Variants in SMARCA1 observed in about 807,000 individuals in gnomAD.
SMARCA1 encodes the protein SWI/SNF-related matrix-associated actin-dependent regulator of chromatin subfamily A member 1.
In SMARCA1, 17 loss-of-function variants were observed where a neutral mutation model predicts 93.6. The observed-to-expected ratio is 0.18, with a 90% confidence interval of 0.12 to 0.27. SMARCA1 has a LOEUF of 0.27. Ranked by LOEUF, SMARCA1 falls within the 10% of genes least tolerant of loss-of-function variation. SMARCA1 has a pLI of 1.00. For synonymous variants in SMARCA1, 271 were observed against 271.4 expected (o/e 1.00, Z 0.01); for missense variants, 630 against 819.0 (o/e 0.77, Z 2.82).
chrX:129,506,007 A>G lies in SMARCA1; in HGVS notation c.1098+73T>C, dbSNP rs1006629149. On this transcript the variant is annotated intron_variant, in intron 8 of 24. Coordinates refer to ENST00000371121, the MANE Select transcript of SMARCA1 (RefSeq NM_001282874.2). ...CAAATTAAAAAGTACCATAAATTTC[A>G]ATCTATAATGTTTTAAAACACATGT... 14 of 815,864 alleles carry G rather than the reference A, an allele frequency of 1.7e-5. No homozygotes were observed. The African/African-American group carries it at 2.5e-4, about 14-fold the overall frequency. 67.2% of individuals were successfully genotyped at this position (815,864 alleles called of 1,213,427 possible). A position where few individuals can be genotyped will look rare whatever the true frequency, so the allele number is the denominator to read the frequency against.
chrX:129,509,760 C>T (rs1000456764), intron 6 of SMARCA1, among the ~76,000 whole-genome samples: 1 of 111,653 alleles, frequency 9.0e-6, no homozygotes, highest in South Asian at 3.7e-4. Context: ...AGCAAAGCCA[C>T]AACTGAAATC....
Position 129,497,861 on chromosome X carries a change from G to T in SMARCA1, c.1488C>A (p.Ala496=), listed in dbSNP as rs754056620. The T allele has an allele frequency of 3.4e-6, 4 of 1,191,937 alleles. No individual in the cohort carries two copies. The South Asian group carries it at 7.1e-5, about 21-fold the overall frequency. The change falls in exon 11 of 25, where the codon GCC becomes GCA. Residue 496 remains alanine (A), a synonymous_variant. Transcript: ENST00000371121. ...ATTACTCACCCTGTTCTTTGAGTTT[G>T]GCCAATAGTTTATCCAGAACTACCA... ...GKMVVLDKLL[A]KLKEQGSRVL...
intron 23 of SMARCA1, among the ~76,000 whole-genome samples, chrX:129,450,312 C>G (rs1483427013): frequency 8.9e-6 from 1 of 111,874 alleles, no homozygotes; most frequent in African/African-American, 3.3e-5. Context: ...TGGCCATCTG[C>G]AAGCCAGGAG....
At position 129,523,353 on chromosome X, in the gene SMARCA1, G is replaced by A. The variant is rs752421322; in HGVS notation, c.18C>T (p.Ala6=). 5 of 1,193,044 alleles carry A rather than the reference G, an allele frequency of 4.2e-6. No homozygotes were observed. The highest frequency in any genetic ancestry group is 5.6e-6 in the Non-Finnish European group (5 of 888,963). The change falls in exon 1 of 25, where the codon GCC becomes GCT. Residue 6 remains alanine, a synonymous_variant. Coordinates refer to ENST00000371121, the MANE Select transcript of SMARCA1 (RefSeq NM_001282874.2). ...CGGCTGCCACGGTGGCTGCCACTGCGGCAGTGTCCTGCTCCATGCCGTGGG... is the reference window on the plus strand; with the variant it reads ...CGGCTGCCACGGTGGCTGCCACTGCAGCAGTGTCCTGCTCCATGCCGTGGG... MEQDT[A]AVAATVAAAD...
intron 9 of SMARCA1, among the ~76,000 whole-genome samples, chrX:129,504,202 C>T (rs767438189): frequency 9.8e-5 from 11 of 111,679 alleles, no homozygotes; most frequent in Non-Finnish European, 1.9e-4. Context: ...TGCTTGAGCT[C>T]GGGAGGCGGA....
At chrX:129,453,550 C>T (rs914561355) in intron 23 of SMARCA1, among the ~76,000 whole-genome samples, 2 of 112,076 alleles carry the variant, frequency 1.8e-5, no homozygotes, top group East Asian at 2.8e-4. Context: ...AAAACTCCAT[C>T]GTCTCAGCCC....
At chrX:129,466,100 T>C in intron 21 of SMARCA1, 138 bp from the exon 22 acceptor site, 1 of 282,798 alleles carries the variant, frequency 3.5e-6, no homozygotes, top group Non-Finnish European at 6.3e-6. Context: ...ATCTTATATA[T>C]ATAATATGTT....
chrX:129,521,721 A>G (rs2124360179), intron 1 of SMARCA1, among the ~76,000 whole-genome samples: 1 of 112,490 alleles, frequency 8.9e-6, no homozygotes, highest in South Asian at 3.7e-4. Flanking sequence ...GAATTTCACA[A>G]CATTTGATTT....
intron 1 of SMARCA1, among the ~76,000 whole-genome samples, chrX:129,519,558 A>G (rs907714055): frequency 8.9e-6 from 1 of 111,832 alleles, no homozygotes; most frequent in African/African-American, 3.2e-5. Flanking sequence ...AACTGAGATT[A>G]TGGAATTTGA....
At chrX:129,476,111 T>C (rs1787407305) in intron 19 of SMARCA1, among the ~76,000 whole-genome samples, 3 of 112,283 alleles carry the variant, frequency 2.7e-5, no homozygotes, top group Admixed American at 1.9e-4. Flanking sequence ...GTAATTGAAA[T>C]TTCAATTAAG....
chrX:129,519,980 C>CT lies in SMARCA1; in HGVS notation c.175-1534dup, dbSNP rs201748515. 8.6e-3 allele frequency among the ~76,000 whole-genome samples: 953 copies of CT among 111,084 alleles called. 6 individuals are homozygous for CT. The highest frequency in any genetic ancestry group is 0.013 in the Non-Finnish European group (694 of 53,004). ...TCCTAGAAAAACATTTTACCCATTA[C>CT]TTTTTTGCTTACCTTGCGGTAGACT... On this transcript the variant is annotated intron_variant, in intron 1 of 24. Transcript: ENST00000371121.
chrX:129,501,515 C>T (rs780913049), intron 9 of SMARCA1, among the ~76,000 whole-genome samples: 19 of 109,112 alleles, frequency 1.7e-4, no homozygotes, highest in Admixed American at 9.8e-4. Context: ...AGGCTGGTCT[C>T]GAACTCCTGA....
intron 17 of SMARCA1, among the ~76,000 whole-genome samples, chrX:129,486,015 G>A (rs1466477559): frequency 9.0e-6 from 1 of 111,666 alleles, no homozygotes; most frequent in African/African-American, 3.3e-5. Flanking sequence ...AATGTGCTAA[G>A]ACAGTAGATA....
Position 129,481,132 on chromosome X carries a change from G to A in SMARCA1, c.2271C>T (p.Tyr757=), listed in dbSNP as rs142220646. 6.1e-5 allele frequency: 74 copies of A among 1,206,520 alleles called. No individual in the cohort carries two copies. The African/African-American group carries it at 6.3e-4, about 10-fold the overall frequency. The change falls in exon 18 of 25, where the codon TAC becomes TAT. Residue 757 remains tyrosine, a synonymous_variant. Transcript: ENST00000371121. ...CCTCTCTAAAGTAGGCATCCACTGC[G>A]TAGTTTGCTTTGCGTTCTCGTTTAG... ...EPPKRERKAN[Y]AVDAYFREAL...
chrX:129,454,495 G>A (rs1306046111), intron 23 of SMARCA1, among the ~76,000 whole-genome samples: 2 of 111,696 alleles, frequency 1.8e-5, no homozygotes, highest in African/African-American at 6.5e-5. Context: ...TATCATCAGA[G>A]TAAACAGGCA....
chrX:129,519,786 A>G (rs1935323877), intron 1 of SMARCA1, among the ~76,000 whole-genome samples: 1 of 111,908 alleles, frequency 8.9e-6, no homozygotes, highest in South Asian at 3.6e-4. Context: ...TTTATTTTCA[A>G]AGCAACAAGA....
rs1932836705 is a variant in SMARCA1 at position 129,463,257 on chromosome X, T to C, written c.3030+2263A>G. Among the ~76,000 whole-genome samples the C allele has an allele frequency of 3.6e-5, 4 of 111,803 alleles. No homozygotes were observed. The South Asian group carries it at 1.1e-3, about 32-fold the overall frequency. Reference sequence around the variant, plus strand: ...TGGTGCTCTAAATTAAATCATTACATGTATAAAACCCCAAATGGCTAAAAG... The same window carrying C: ...TGGTGCTCTAAATTAAATCATTACACGTATAAAACCCCAAATGGCTAAAAG... On this transcript the variant is annotated intron_variant, in intron 23 of 24. Coordinates refer to ENST00000371121, the MANE Select transcript of SMARCA1 (RefSeq NM_001282874.2).
chrX:129,483,235 A>C (rs539813531), intron 17 of SMARCA1, among the ~76,000 whole-genome samples: 222 of 112,118 alleles, frequency 2.0e-3, no homozygotes, highest in Middle Eastern at 9.2e-3. Context: ...AACTCAAATA[A>C]AAAGTTTTCT....
chrX:129,502,324 T>C (rs755739651), intron 9 of SMARCA1, among the ~76,000 whole-genome samples: 8 of 111,128 alleles, frequency 7.2e-5, no homozygotes, highest in Non-Finnish European at 1.1e-4. Context: ...TTAAACTTTA[T>C]AAGAGACAGT....
Sources: allele counts gnomAD v4.1 joint callset (sites outside exome capture counted in the v4.1 genomes callset), GRCh38; gene constraint gnomAD v4.1.1; transcripts MANE v1.5; gene names NCBI Gene and HGNC (gene_info 2026-07-23, HGNC 2026-07-21).